FUT9: variants seen among roughly 807,000 people sequenced by gnomAD.
FUT9 encodes the protein 4-galactosyl-N-acetylglucosaminide 3-alpha-L-fucosyltransferase 9.
In FUT9, 15 loss-of-function variants were observed where a neutral mutation model predicts 29.7. The observed-to-expected ratio is 0.51, with a 90% CI of 0.34 to 0.78. The LOEUF (loss-of-function observed/expected upper bound fraction) is 0.78, where lower values mean the gene tolerates loss of function less well. Ranked by LOEUF, FUT9 falls within the 30% of genes least tolerant of loss-of-function variation. FUT9 has a pLI of 0.01. For synonymous variants in FUT9, 169 were observed against 153.7 expected, an observed-to-expected ratio of 1.10 and a Z score of -0.74; for missense variants, 319 against 425.4, an observed-to-expected ratio of 0.75 and a Z score of 2.20.
chr6:96,124,099 G>A (rs72931921), intron 2 of FUT9, among the ~76,000 whole-genome samples: 19,299 of 150,794 alleles, frequency 0.13, 1,612 homozygotes, highest in Non-Finnish European at 0.18. Context: ...GATCACAAAT[G>A]TCTGCTTATT....
intron 1 of FUT9, among the ~76,000 whole-genome samples, chr6:96,029,005 G>T (rs2127925469): frequency 6.6e-6 from 1 of 151,514 alleles, no homozygotes; most frequent in Non-Finnish European, 1.5e-5. Flanking sequence ...CAAAGCCAGA[G>T]GAACTACAAA....
chr6:96,063,476 G>A (rs1570774), intron 1 of FUT9, among the ~76,000 whole-genome samples: 83,814 of 151,658 alleles, frequency 0.55, 23,286 homozygotes, highest in South Asian at 0.63. Flanking sequence ...GTGAAAGCTC[G>A]GTTATTACCA....
chr6:96,091,807 G>T (rs1055110844), intron 1 of FUT9, among the ~76,000 whole-genome samples: 1 of 151,968 alleles, frequency 6.6e-6, no homozygotes, highest in Non-Finnish European at 1.5e-5. Context: ...TTAAAAAGTT[G>T]GTAAGGAGGG....
At chr6:96,052,017 A>G (rs968524068) in intron 1 of FUT9, among the ~76,000 whole-genome samples, 1 of 152,180 alleles carries the variant, frequency 6.6e-6, no homozygotes, top group Non-Finnish European at 1.5e-5. Context: ...TCATTTATAT[A>G]GAAAAGAGGT....
chr6:96,138,799 T>C (rs1772408282), intron 2 of FUT9, among the ~76,000 whole-genome samples: 1 of 152,196 alleles, frequency 6.6e-6, no homozygotes, highest in Non-Finnish European at 1.5e-5. Context: ...AAAGCTTATC[T>C]TTTCTGCAGC....
intron 2 of FUT9, among the ~76,000 whole-genome samples, chr6:96,156,576 C>A (rs1210253668): frequency 6.6e-6 from 1 of 152,102 alleles, no homozygotes; most frequent in Non-Finnish European, 1.5e-5. Context: ...TGGCTCTGCC[C>A]CATTCCCCCT....
chr6:96,138,753 AT>A lies in FUT9; in HGVS notation c.-9+24634del, dbSNP rs539602303. ...CTTATGTCACTTGTCACCATAACAGATTTTTTTTAAGTATCTGCAAATGAAT... is the reference window on the plus strand; with the variant it reads ...CTTATGTCACTTGTCACCATAACAGATTTTTTTAAGTATCTGCAAATGAAT... On this transcript the variant is annotated intron_variant, in intron 2 of 2. Coordinates refer to ENST00000302103, the MANE Select transcript of FUT9 (RefSeq NM_006581.4). 4.8e-4 allele frequency among the ~76,000 whole-genome samples: 73 copies of A among 152,092 alleles called. No individual in the cohort carries two copies. In the Middle Eastern group the frequency reaches 0.01, roughly 21 times the overall value.
At chr6:96,085,761 A>G (rs1478412742) in intron 1 of FUT9, among the ~76,000 whole-genome samples, 1 of 152,148 alleles carries the variant, frequency 6.6e-6, no homozygotes, top group Non-Finnish European at 1.5e-5. Flanking sequence ...GTTTTTCAGC[A>G]TAGTTATAAA....
rs566013638 is a variant in FUT9 at position 96,186,045 on chromosome 6, T to C, written c.-8-17103T>C. Among the ~76,000 whole-genome samples the C allele has an allele frequency of 2.0e-5, 3 of 152,260 alleles. No homozygotes were observed. In the East Asian group the frequency reaches 5.8e-4, roughly 29 times the overall value. On this transcript the variant is annotated intron_variant, in intron 2 of 2. Coordinates refer to ENST00000302103, the MANE Select transcript of FUT9 (RefSeq NM_006581.4). Reference sequence around the variant, plus strand: ...CTAAACTCTGCCTTTCCACCTTTTTTCTAATAACATCATTTTCCAAAAAGT... The same window carrying C: ...CTAAACTCTGCCTTTCCACCTTTTTCCTAATAACATCATTTTCCAAAAAGT...
chr6:96,054,717 A>C (rs893178637), intron 1 of FUT9, among the ~76,000 whole-genome samples: 11 of 152,150 alleles, frequency 7.2e-5, no homozygotes, highest in African/African-American at 2.7e-4. Flanking sequence ...CCCTAACCAC[A>C]TATTACCTTA....
At chr6:96,129,407 A>C (rs1330265344) in intron 2 of FUT9, among the ~76,000 whole-genome samples, 1 of 151,854 alleles carries the variant, frequency 6.6e-6, no homozygotes, top group Non-Finnish European at 1.5e-5. Context: ...AGTAAGTTGC[A>C]ATTGTGCCAC....
intron 2 of FUT9, among the ~76,000 whole-genome samples, chr6:96,147,365 C>CCAG (rs1772589218): frequency 2.0e-5 from 3 of 151,940 alleles, no homozygotes; most frequent in African/African-American, 7.3e-5. Context: ...GGTGGGGTTT[C>CCAG]ACCGTATTGG....
chr6:96,028,898 T>G (rs1024460746), intron 1 of FUT9, among the ~76,000 whole-genome samples: 2 of 151,578 alleles, frequency 1.3e-5, no homozygotes, highest in Non-Finnish European at 3.0e-5. Context: ...TGGTATAAAA[T>G]TTTTTCCACA....
chr6:96,072,981 C>T (rs1771087402), intron 1 of FUT9, among the ~76,000 whole-genome samples: 1 of 152,148 alleles, frequency 6.6e-6, no homozygotes, highest in Non-Finnish European at 1.5e-5. Context: ...CTCCTCCTAC[C>T]TTTAGGAGTC....
chr6:96,154,375 G>T (rs12530263), intron 2 of FUT9, among the ~76,000 whole-genome samples: 24,111 of 152,112 alleles, frequency 0.16, 2,123 homozygotes, highest in African/African-American at 0.19. Context: ...ATTTTTCTTA[G>T]ACTCCAACAG....
rs968573391 is a variant in FUT9 at position 96,078,111 on chromosome 6, A to G, written c.-97-35928A>G. ...GGGATGCATATGAATGAGATGTTGGACCTTCAGAATTGACTCTACTTGTTT... is the reference window on the plus strand; with the variant it reads ...GGGATGCATATGAATGAGATGTTGGGCCTTCAGAATTGACTCTACTTGTTT... On this transcript the variant is annotated intron_variant, in intron 1 of 2. Transcript: ENST00000302103. 1.3e-5 allele frequency among the ~76,000 whole-genome samples: 2 copies of G among 152,142 alleles called. 1 individual carries two copies. Among genetic ancestry groups the G allele is most frequent in the South Asian group, 4.1e-4 (2 of 4,832 alleles).
chr6:96,196,050 TA>T (rs1773618632), intron 2 of FUT9, among the ~76,000 whole-genome samples: 1 of 152,158 alleles, frequency 6.6e-6, no homozygotes, highest in African/African-American at 2.4e-5. Flanking sequence ...TAATTATGGA[TA>T]TATTTTGAAG....
intron 2 of FUT9, among the ~76,000 whole-genome samples, chr6:96,128,308 AT>A (rs1434540510): frequency 6.6e-6 from 1 of 152,176 alleles, no homozygotes; most frequent in African/African-American, 2.4e-5. Context: ...CCAAAATGCC[AT>A]AATAAAAGAG....
intron 2 of FUT9, among the ~76,000 whole-genome samples, chr6:96,120,068 G>T (rs1199601286): frequency 6.6e-6 from 1 of 151,846 alleles, no homozygotes; most frequent in African/African-American, 2.4e-5. Context: ...AATATGTTTT[G>T]AAAAGAATAT....
Sources: gnomAD v4.1 joint callset for allele counts (sites outside exome capture counted in the v4.1 genomes callset) on GRCh38, gnomAD v4.1.1 for gene constraint, MANE v1.5 for transcripts, NCBI Gene and HGNC (gene_info 2026-07-23, HGNC 2026-07-21) for gene names.